Variants in KCND2 observed in about 807,000 individuals in gnomAD.
KCND2 encodes the protein A-type voltage-gated potassium channel KCND2.
In KCND2, 16 loss-of-function variants were observed where a neutral mutation model predicts 54.4. That is an observed-to-expected ratio of 0.29 (90% confidence interval 0.20 to 0.45). The LOEUF (loss-of-function observed/expected upper bound fraction) is 0.45. KCND2 is among the 20% of genes least tolerant of loss of function. The pLI, the probability that KCND2 is intolerant of heterozygous loss-of-function variation, is 1.00. For synonymous variants in KCND2, 317 were observed against 310.7 expected (o/e 1.02, Z -0.21); for missense variants, 486 against 824.2 (o/e 0.59, Z 5.02).
At chr7:120,416,721 T>C (rs891396136) in intron 1 of KCND2, among the ~76,000 whole-genome samples, 1 of 149,086 alleles carries the variant, frequency 6.7e-6, no homozygotes, top group Non-Finnish European at 1.5e-5. Flanking sequence ...ATCAAGTACT[T>C]ATCATATGCA....
At chr7:120,503,882 G>A (rs2116320705) in intron 1 of KCND2, among the ~76,000 whole-genome samples, 1 of 151,942 alleles carries the variant, frequency 6.6e-6, no homozygotes, top group East Asian at 1.9e-4. Context: ...TCAAGCAAGG[G>A]ACCCTGAAGT....
At position 120,492,743 on chromosome 7, in the gene KCND2, C is replaced by T. The variant is rs1802801962; in HGVS notation, c.1115+216996C>T. Among the ~76,000 whole-genome samples the T allele has an allele frequency of 2.0e-5, 3 of 152,070 alleles. No homozygotes were observed. The South Asian group carries it at 6.2e-4, about 32-fold the overall frequency. Reference sequence around the variant, plus strand: ...CTTAACAAGCATTTAATACATCTAACCTACCCAACAACATACCTTGGCCTA... The same window carrying T: ...CTTAACAAGCATTTAATACATCTAATCTACCCAACAACATACCTTGGCCTA... On this transcript the variant is annotated intron_variant, in intron 1 of 5. Coordinates refer to ENST00000331113, the MANE Select transcript of KCND2 (RefSeq NM_012281.3).
At chr7:120,315,170 G>A (rs377454485) in intron 1 of KCND2, among the ~76,000 whole-genome samples, 168 of 152,130 alleles carry the variant, frequency 1.1e-3, no homozygotes, top group African/African-American at 3.5e-3. Flanking sequence ...TGAAAGAATC[G>A]AATCTCTCTG....
At chr7:120,668,050 G>T (rs927975828) in intron 1 of KCND2, among the ~76,000 whole-genome samples, 1 of 151,896 alleles carries the variant, frequency 6.6e-6, no homozygotes, top group East Asian at 1.9e-4. Flanking sequence ...ATTAAAATAT[G>T]TGCATCTCGT....
At chr7:120,498,373 A>C (rs1376123796) in intron 1 of KCND2, among the ~76,000 whole-genome samples, 1 of 150,332 alleles carries the variant, frequency 6.7e-6, no homozygotes, top group Admixed American at 6.6e-5. Context: ...CCAGCTACTC[A>C]GGATGCTGAG....
At chr7:120,348,544 C>G (rs1800357554) in intron 1 of KCND2, among the ~76,000 whole-genome samples, 1 of 152,216 alleles carries the variant, frequency 6.6e-6, no homozygotes, top group East Asian at 1.9e-4. Context: ...TACCTTTATA[C>G]ATGCAACATA....
intron 1 of KCND2, among the ~76,000 whole-genome samples, chr7:120,670,184 A>G (rs891119580): frequency 3.3e-5 from 5 of 152,096 alleles, no homozygotes; most frequent in African/African-American, 1.2e-4. Context: ...AGTCATTGGT[A>G]AGACTGCATT....
At chr7:120,389,651 A>C (rs2116048322) in intron 1 of KCND2, among the ~76,000 whole-genome samples, 1 of 151,950 alleles carries the variant, frequency 6.6e-6, no homozygotes, top group Non-Finnish European at 1.5e-5. Flanking sequence ...ACATTAACTT[A>C]TTAGTTTTAC....
chr7:120,342,979 C>T (rs1039979842), intron 1 of KCND2, among the ~76,000 whole-genome samples: 2 of 152,140 alleles, frequency 1.3e-5, no homozygotes, highest in Non-Finnish European at 2.9e-5. Context: ...GAAAGTAGCT[C>T]TGTTCCATAT....
intron 1 of KCND2, among the ~76,000 whole-genome samples, chr7:120,610,647 C>T (rs1267026865): frequency 6.6e-6 from 1 of 152,062 alleles, no homozygotes; most frequent in Non-Finnish European, 1.5e-5. Flanking sequence ...AATAAATTCC[C>T]TTCCCCCAAA....
At chr7:120,599,465 A>C (rs1302747374) in intron 1 of KCND2, among the ~76,000 whole-genome samples, 1 of 151,986 alleles carries the variant, frequency 6.6e-6, no homozygotes, top group African/African-American at 2.4e-5. Context: ...GCACGAATTC[A>C]GTATATTTCT....
intron 1 of KCND2, among the ~76,000 whole-genome samples, chr7:120,579,538 G>T (rs1792485848): frequency 6.6e-6 from 1 of 151,436 alleles, no homozygotes; most frequent in Non-Finnish European, 1.5e-5. Context: ...GGAGTCGAAG[G>T]TTGCAGTGAG....
intron 1 of KCND2, among the ~76,000 whole-genome samples, chr7:120,285,333 A>G (rs1799324255): frequency 6.6e-6 from 1 of 152,082 alleles, no homozygotes; most frequent in Non-Finnish European, 1.5e-5. Flanking sequence ...TATTCTTGTG[A>G]AATTAGGTAT....
intron 1 of KCND2, among the ~76,000 whole-genome samples, chr7:120,458,961 T>TAAG (rs1802241475): frequency 6.6e-6 from 1 of 151,636 alleles, no homozygotes; most frequent in African/African-American, 2.4e-5. Context: ...CATTATTTCC[T>TAAG]AGTAATATCA....
intron 1 of KCND2, among the ~76,000 whole-genome samples, chr7:120,395,231 T>A (rs1801136948): frequency 1.3e-5 from 2 of 152,176 alleles, no homozygotes; most frequent in African/African-American, 4.8e-5. Flanking sequence ...TTAGTTACAA[T>A]TTTACATTGT....
At chr7:120,672,044 C>G (rs762057717) in intron 1 of KCND2, among the ~76,000 whole-genome samples, 13 of 152,032 alleles carry the variant, frequency 8.6e-5, no homozygotes, top group Non-Finnish European at 1.5e-4. Context: ...CAAAGCCTGT[C>G]CTCACCTGTT....
intron 1 of KCND2, among the ~76,000 whole-genome samples, chr7:120,280,513 C>T (rs1419657236): frequency 6.7e-6 from 1 of 150,196 alleles, no homozygotes; most frequent in Non-Finnish European, 1.5e-5. Context: ...TTCCTTTAGA[C>T]TACTGATAAA....
chr7:120,434,529 CTTT>C (rs1159542222), intron 1 of KCND2, among the ~76,000 whole-genome samples: 5 of 152,210 alleles, frequency 3.3e-5, no homozygotes, highest in African/African-American at 1.2e-4. Context: ...CCAACTTCTT[CTTT>C]GTTGATATTT....
At chr7:120,709,818 T>C (rs1434123412) in intron 1 of KCND2, among the ~76,000 whole-genome samples, 2 of 152,124 alleles carry the variant, frequency 1.3e-5, no homozygotes, top group Non-Finnish European at 2.9e-5. Context: ...AACTCTTACA[T>C]ACCATGGGTT....
Sources: allele counts gnomAD v4.1 joint callset (sites outside exome capture counted in the v4.1 genomes callset), GRCh38; gene constraint gnomAD v4.1.1; transcripts MANE v1.5; gene names NCBI Gene and HGNC (gene_info 2026-07-23, HGNC 2026-07-21).